The following EIF1 variants were observed in gnomAD, a reference collection of about 807,000 sequenced individuals.
EIF1 encodes protein translation factor SUI1 homolog.
Under a neutral mutation model 13.7 loss-of-function variants are expected in EIF1, and 4 were observed. That is an observed-to-expected ratio of 0.29 (90% CI 0.14 to 0.67). The LOEUF (loss-of-function observed/expected upper bound fraction) is 0.67. Among genes scored for constraint, EIF1 ranks in the 30% least tolerant of loss-of-function variants. The pLI is 0.77. For missense variants in EIF1, 64 were observed against 138.0 expected (o/e 0.46, Z 2.69); for synonymous variants, 67 against 50.7 (o/e 1.32, Z -1.37).
Position 41,691,702 on chromosome 17 carries a change from G to A in EIF1, c.*876G>A, listed in dbSNP as rs999747691. The A allele has an allele frequency of 1.3e-5, 2 of 152,634 alleles. No individual in the cohort carries two copies. Among genetic ancestry groups the A allele is most frequent in the Admixed American group, 1.3e-4 (2 of 15,274 alleles). The allele number at this position is 152,634 out of a possible 1,614,324, so 9.5% of individuals were successfully genotyped here. On this transcript the variant is annotated 3_prime_UTR_variant, in exon 4 of 4. Transcript: ENST00000469257. Reference sequence around the variant, plus strand: ...ATCTTGTGCATATAAAGGAACCATAGAAATGGGCAGTGGAGGATTCGTCCA... The same window carrying A: ...ATCTTGTGCATATAAAGGAACCATAAAAATGGGCAGTGGAGGATTCGTCCA...
chr17:41,690,601 T>G (rs995059522), intron 3 of EIF1, 181 bp from the exon 4 acceptor site: 1 of 616,292 alleles, frequency 1.6e-6, no homozygotes, highest in Non-Finnish European at 2.9e-6. Context: ...ATTCAGAACC[T>G]TGGAAGGCAC....
chr17:41,692,651 A>C lies in EIF1; in HGVS notation c.*1825A>C, dbSNP rs1228336758. On this transcript the variant is annotated 3_prime_UTR_variant, in exon 4 of 4. Coordinates refer to ENST00000469257, the MANE Select transcript of EIF1 (RefSeq NM_005801.4). ...GAATGTGGCCCAACACGAACTAATA[A>C]ATTTTGCTAAAACATGAGTTTTGTT... 6.6e-6 allele frequency: 1 copy of C among 151,828 alleles called. No individual in the cohort carries two copies. Among genetic ancestry groups the C allele is most frequent in the Non-Finnish European group, 1.5e-5 (1 of 67,986 alleles). 9.4% of individuals were successfully genotyped at this position (151,828 alleles called of 1,614,324 possible).
Position 41,688,941 on chromosome 17 carries a change from G to A in EIF1, c.-98G>A, listed in dbSNP as rs1384093192. 6 of 1,306,494 alleles carry A rather than the reference G, an allele frequency of 4.6e-6. No homozygotes were observed. Among genetic ancestry groups the A allele is most frequent in the Non-Finnish European group, 5.4e-6 (5 of 920,096 alleles). 80.9% of individuals were successfully genotyped at this position (1,306,494 alleles called of 1,614,324 possible). A position where few individuals can be genotyped will look rare whatever the true frequency, so the allele number is the denominator to read the frequency against. ...AGCAGCCTCCCCCTTGAGCCCCCTC[G>A]CTTCCCGACGTTCCGTTCCCCCCTG... On this transcript the variant is annotated 5_prime_UTR_variant, in exon 1 of 4. Coordinates refer to ENST00000469257, the MANE Select transcript of EIF1 (RefSeq NM_005801.4).
intron 1 of EIF1, 103 bp from the exon 2 acceptor site, chr17:41,689,675 T>C: frequency 8.1e-7 from 1 of 1,228,924 alleles, no homozygotes; most frequent in East Asian, 2.4e-5. Flanking sequence ...GCCCTGACGA[T>C]TTCAGTGTTG....
rs1160150990 is a variant in EIF1, at chr17:41,692,458, G to A, written c.*1632G>A. On this transcript the variant is annotated 3_prime_UTR_variant, in exon 4 of 4. Coordinates refer to ENST00000469257, the MANE Select transcript of EIF1 (RefSeq NM_005801.4). ...CCATTAATTTAGTTAAAAAGGCAAA[G>A]TTCTTTCAGCACACATATCTGCATG... 2 of 152,140 alleles carry A rather than the reference G, an allele frequency of 1.3e-5. No individual in the cohort carries two copies. Among genetic ancestry groups the A allele is most frequent in the East Asian group, 1.9e-4 (1 of 5,190 alleles). The allele number at this position is 152,140 out of a possible 1,614,324, so 9.4% of individuals were successfully genotyped here. A position where few individuals can be genotyped will look rare whatever the true frequency, so the allele number is the denominator to read the frequency against.
At chr17:41,690,314 A>G in intron 3 of EIF1, 125 bp downstream of exon 3, 2 of 690,042 alleles carry the variant, frequency 2.9e-6, no homozygotes, top group African/African-American at 1.8e-5. Flanking sequence ...TTGGGTTTTA[A>G]AGTACATAGA....
rs762307267 is a variant in EIF1 at position 41,691,684 on chromosome 17, G to T, written c.*858G>T. On this transcript the variant is annotated 3_prime_UTR_variant, in exon 4 of 4. Coordinates refer to ENST00000469257, the MANE Select transcript of EIF1 (RefSeq NM_005801.4). ...ATTATTTATATATAGTCGATCTTGT[G>T]CATATAAAGGAACCATAGAAATGGG... 1 of 152,574 alleles carries T rather than the reference G, an allele frequency of 6.6e-6. No homozygotes were observed. The highest frequency in any genetic ancestry group is 2.4e-5 in the African/African-American group (1 of 41,414). The allele number at this position is 152,574 out of a possible 1,614,324, so 9.5% of individuals were successfully genotyped here. A position where few individuals can be genotyped will look rare whatever the true frequency, so the allele number is the denominator to read the frequency against.
Position 41,690,138 on chromosome 17 carries a change from A to G in EIF1, c.246A>G (p.Val82=). 6.2e-7 allele frequency: 1 copy of G among 1,614,168 alleles called. No individual in the cohort carries two copies. Among genetic ancestry groups the G allele is most frequent in the Non-Finnish European group, 8.5e-7 (1 of 1,180,032 alleles). The change falls in exon 3 of 4, where the codon GTA becomes GTG. Residue 82 remains valine (V), a synonymous_variant. Transcript: ENST00000469257. ...TTGAGCATCCGGAATATGGAGAAGTAATTCAGCTACAGGGTGACCAACGCA... is the reference window on the plus strand; with the variant it reads ...TTGAGCATCCGGAATATGGAGAAGTGATTCAGCTACAGGGTGACCAACGCA... ...TVIEHPEYGE[V]IQLQGDQRKN...
rs1450242885 is a variant in EIF1, at chr17:41,690,920, C to A, written c.*94C>A. 7.0e-7 allele frequency: 1 copy of A among 1,428,974 alleles called. No homozygotes were observed. The allele number at this position is 1,428,974 out of a possible 1,614,324, so 88.5% of individuals were successfully genotyped here. A position where few individuals can be genotyped will look rare whatever the true frequency, so the allele number is the denominator to read the frequency against. On this transcript the variant is annotated 3_prime_UTR_variant, in exon 4 of 4. Transcript: ENST00000469257. ...TGTCACAGGTTTAAAAACCTCACAGCTTGTATAATGTAACCATTTGGGGTC... is the reference window on the plus strand; with the variant it reads ...TGTCACAGGTTTAAAAACCTCACAGATTGTATAATGTAACCATTTGGGGTC...
intron 1 of EIF1, 33 bp downstream of exon 1, chr17:41,689,102 G>A (rs1910286017): frequency 6.2e-7 from 1 of 1,611,914 alleles, no homozygotes; most frequent in Non-Finnish European, 8.5e-7. Context: ...GGCCCGGGTG[G>A]GGCAGCGGGG....
chr17:41,689,482 C>T, intron 1 of EIF1: 2 of 448,068 alleles, frequency 4.5e-6, no homozygotes, highest in Non-Finnish European at 8.0e-6. Flanking sequence ...CTCGGGAGCT[C>T]GGGTTCCGGC....
rs765615616 is a variant in EIF1 at position 41,689,843 on chromosome 17, A to G, written c.97A>G (p.Ile33Val). The G allele has an allele frequency of 6.2e-7, 1 of 1,614,052 alleles. No homozygotes were observed. Among genetic ancestry groups the G allele is most frequent in the South Asian group, 1.1e-5 (1 of 91,074 alleles). ...LPAGTEDYIH[I>V]RIQQRNGRKT... ...TGCTGGCACTGAGGATTATATCCAT[A>G]TAAGAATTCAACAGAGAAACGGCAG... is the stretch of plus-strand genomic sequence containing the variant. The change falls in exon 2 of 4, where the codon ATA (isoleucine) becomes GTA (valine). Residue 33 changes from isoleucine to valine, a missense_variant. By Grantham distance (29) the Ile-to-Val change is conservative. This residue lies in a region of EIF1 where 35 missense variants were observed against 103.4 expected (regional missense o/e 0.34). Transcript: ENST00000469257.
chr17:41,690,258 G>C, intron 3 of EIF1, 69 bp downstream of exon 3: 1 of 1,381,576 alleles, frequency 7.2e-7, no homozygotes. Flanking sequence ...GTTAGCTTCT[G>C]CTGGGGACAT....
chr17:41,690,761 T>G (rs1910352630), intron 3 of EIF1, 21 bp from the exon 4 acceptor site: 2 of 1,613,848 alleles, frequency 1.2e-6, no homozygotes, highest in Non-Finnish European at 1.7e-6. Context: ...CATTTAAAAC[T>G]TTGCCCTTTT....
At chr17:41,689,526 A>G in intron 1 of EIF1, 1 of 481,062 alleles carries the variant, frequency 2.1e-6, no homozygotes, top group Non-Finnish European at 3.7e-6. Flanking sequence ...ACCGCCTGGC[A>G]GCCCGGACTC....
Position 41,689,685 on chromosome 17 carries a change from G to A in EIF1, c.32-93G>A, listed in dbSNP as rs995331563. 3.7e-6 allele frequency: 5 copies of A among 1,357,542 alleles called. No individual in the cohort carries two copies. In the African/African-American group the frequency reaches 7.3e-5, roughly 20 times the overall value. 84.1% of individuals were successfully genotyped at this position (1,357,542 alleles called of 1,614,324 possible). A position where few individuals can be genotyped will look rare whatever the true frequency, so the allele number is the denominator to read the frequency against. ...CCCAAGCCCTGACGATTTCAGTGTT[G>A]TTTTCTGCACGCGCAAAACACCTGG... On this transcript the variant is annotated intron_variant, in intron 1 of 3. Transcript: ENST00000469257.
At chr17:41,689,448 T>G (rs941876203) in intron 1 of EIF1, 4 of 463,946 alleles carry the variant, frequency 8.6e-6, no homozygotes, top group Non-Finnish European at 1.2e-5. Context: ...GGTGCACCAA[T>G]GGGGGTGGGA....
At chr17:41,690,419 C>A in intron 3 of EIF1, 1 of 561,770 alleles carries the variant, frequency 1.8e-6, no homozygotes, top group South Asian at 2.4e-5. Flanking sequence ...ATTTGAATAG[C>A]ATATAGATGC....
At position 41,691,872 on chromosome 17, in the gene EIF1, T is replaced by G. The variant is rs1910390378; in HGVS notation, c.*1046T>G. On this transcript the variant is annotated 3_prime_UTR_variant, in exon 4 of 4. Transcript: ENST00000469257. Reference sequence around the variant, plus strand: ...CAGGCTGGAGTGCAGTGGCACAATCTCGGCTCACTGCAACCTCCACCTCAG... The same window carrying G: ...CAGGCTGGAGTGCAGTGGCACAATCGCGGCTCACTGCAACCTCCACCTCAG... The G allele has an allele frequency of 6.6e-6, 1 of 152,388 alleles. No individual in the cohort carries two copies. Among genetic ancestry groups the G allele is most frequent in the African/African-American group, 2.4e-5 (1 of 41,586 alleles). 9.4% of individuals were successfully genotyped at this position (152,388 alleles called of 1,614,324 possible).
Sources: gnomAD v4.1 joint callset for allele counts on GRCh38, gnomAD v4.1.1 for gene constraint, gnomAD v4.1.1 regional missense constraint, MANE v1.5 for transcripts, NCBI Gene and HGNC (gene_info 2026-07-23, HGNC 2026-07-21) for gene names.